MSRA: variants seen among roughly 807,000 people sequenced by gnomAD.
MSRA encodes mitochondrial peptide methionine sulfoxide reductase.
A neutral mutation model predicts 31.3 loss-of-function variants in MSRA; 54 were observed. The observed-to-expected ratio is 1.73, with a 90% CI of 1.39 to 2.17. The LOEUF is 2.17. MSRA is among the 30% of genes most tolerant of loss of function. MSRA has a pLI of 0.00. For synonymous variants in MSRA, 169 were observed against 116.5 expected (o/e 1.45, Z -2.90); for missense variants, 507 against 300.9 (o/e 1.69, Z -5.07).
intron 4 of MSRA, among the ~76,000 whole-genome samples, chr8:10,312,070 C>T (rs548783603): frequency 6.6e-6 from 1 of 152,230 alleles, no homozygotes; most frequent in East Asian, 1.9e-4. Context: ...GCCTTAAATT[C>T]ATATATTAGA....
chr8:10,294,120 G>C (rs1800399423), intron 3 of MSRA, among the ~76,000 whole-genome samples: 1 of 152,164 alleles, frequency 6.6e-6, no homozygotes, highest in African/African-American at 2.4e-5. Flanking sequence ...AGAATTGCTT[G>C]AACCTGGGAG....
At chr8:10,370,771 G>A (rs916198066) in intron 5 of MSRA, among the ~76,000 whole-genome samples, 1 of 152,232 alleles carries the variant, frequency 6.6e-6, no homozygotes, top group African/African-American at 2.4e-5. Flanking sequence ...ATGCCCCATG[G>A]CATTCACTGA....
At chr8:10,086,847 A>G (rs1320630446) in intron 1 of MSRA, among the ~76,000 whole-genome samples, 1 of 150,356 alleles carries the variant, frequency 6.7e-6, no homozygotes, top group African/African-American at 2.4e-5. Flanking sequence ...GAGGTGGGCC[A>G]GGCAGAGGAG....
At chr8:10,186,447 A>T (rs866221927) in intron 1 of MSRA, among the ~76,000 whole-genome samples, 18 of 152,274 alleles carry the variant, frequency 1.2e-4, no homozygotes, top group Middle Eastern at 3.4e-3. Context: ...TAGAATTTGC[A>T]TGTGTCATGA....
chr8:10,415,999 G>C (rs1442379894), intron 5 of MSRA, among the ~76,000 whole-genome samples: 2 of 152,054 alleles, frequency 1.3e-5, no homozygotes, highest in African/African-American at 4.8e-5. Flanking sequence ...CTCCTCCAAG[G>C]GAATTCTGAC....
At chr8:10,200,581 C>G (rs1808407222) in intron 1 of MSRA, among the ~76,000 whole-genome samples, 1 of 152,150 alleles carries the variant, frequency 6.6e-6, no homozygotes. Flanking sequence ...ACTGGGAATT[C>G]CTGGGACACA....
intron 1 of MSRA, among the ~76,000 whole-genome samples, chr8:10,202,299 G>C (rs563198004): frequency 7.9e-5 from 12 of 152,224 alleles, no homozygotes; most frequent in Non-Finnish European, 1.0e-4. Context: ...TCTAGGAATA[G>C]AGCTGGGGTC....
intron 5 of MSRA, among the ~76,000 whole-genome samples, chr8:10,417,684 G>C (rs2129192812): frequency 6.6e-6 from 1 of 151,128 alleles, no homozygotes; most frequent in Non-Finnish European, 1.5e-5. Flanking sequence ...ACATCTATTT[G>C]GTCAACCTGT....
chr8:10,092,597 G>A (rs1798912030), intron 1 of MSRA, among the ~76,000 whole-genome samples: 1 of 151,958 alleles, frequency 6.6e-6, no homozygotes, highest in Non-Finnish European at 1.5e-5. Context: ...AGTGGAGGTT[G>A]CAGTGAGGTG....
intron 3 of MSRA, among the ~76,000 whole-genome samples, chr8:10,284,167 C>A (rs1799807981): frequency 6.6e-6 from 1 of 151,972 alleles, no homozygotes; most frequent in Admixed American, 6.6e-5. Context: ...GGAAAACTGA[C>A]TGAAGAGAGA....
rs1808073752 is a variant in MSRA, at chr8:10,410,239, C to G, written c.544-17909C>G. ...GACGCTTGGCCAGGAGCCACCAACA[C>G]TCTCGTATGGAAAGTCTGCCAACAG... On this transcript the variant is annotated intron_variant, in intron 5 of 5. Coordinates refer to ENST00000317173, the MANE Select transcript of MSRA (RefSeq NM_012331.5). Among the ~76,000 whole-genome samples the G allele has an allele frequency of 2.6e-5, 4 of 152,136 alleles. No homozygotes were observed. The South Asian group carries it at 8.3e-4, about 32-fold the overall frequency.
intron 2 of MSRA, among the ~76,000 whole-genome samples, chr8:10,215,316 C>T (rs1333199022): frequency 6.6e-6 from 1 of 152,150 alleles, no homozygotes; most frequent in Non-Finnish European, 1.5e-5. Context: ...TTTCTTCCGC[C>T]TTCTTAAGCC....
At chr8:10,250,618 T>G (rs918754151) in intron 3 of MSRA, 1 of 621,260 alleles carries the variant, frequency 1.6e-6, no homozygotes, top group Non-Finnish European at 2.9e-6. Flanking sequence ...TCAAGCAGGC[T>G]GTTCAGCAGA....
At chr8:10,207,939 GC>G (rs1471280469) in intron 2 of MSRA, 38 bp downstream of exon 2, 1 of 1,545,348 alleles carries the variant, frequency 6.5e-7, no homozygotes, top group Admixed American at 1.8e-5. Context: ...CAAATTGTGT[GC>G]AAAGACTAGT....
In MSRA at chr8:10,054,658, G is replaced by A; in HGVS notation, c.142G>A (p.Ala48Thr). 1.3e-6 allele frequency: 2 copies of A among 1,548,170 alleles called. No homozygotes were observed. The highest frequency in any genetic ancestry group is 1.7e-6 in the Non-Finnish European group (2 of 1,147,264). The change falls in exon 1 of 6, where the codon GCC (alanine) becomes ACC (threonine). Residue 48 changes from alanine (A) to threonine (T), a missense_variant and splice_region_variant. Transcript: ENST00000317173. The stretch of plus-strand genomic sequence containing the variant: ...CCGGAAGGAACAGACCCCTGTAGCG[G>A]GTAAGCACTGGCCACACGGAAGGCG... ...PGRKEQTPVAAKHHVNGNRTV... is the reference protein window; with the variant it reads ...PGRKEQTPVATKHHVNGNRTV...
intron 5 of MSRA, among the ~76,000 whole-genome samples, chr8:10,324,045 C>T (rs748419126): frequency 1.3e-5 from 2 of 152,166 alleles, no homozygotes; most frequent in Admixed American, 1.3e-4. Context: ...AGCTAATTGA[C>T]TGAAACCCAG....
At chr8:10,419,028 C>T (rs866414420) in intron 5 of MSRA, among the ~76,000 whole-genome samples, 12 of 152,018 alleles carry the variant, frequency 7.9e-5, no homozygotes, top group South Asian at 2.1e-4. Flanking sequence ...TACATACATA[C>T]GGCATCCTTG....
chr8:10,171,838 A>T (rs1017038414), intron 1 of MSRA, among the ~76,000 whole-genome samples: 2 of 152,238 alleles, frequency 1.3e-5, no homozygotes, highest in African/African-American at 2.4e-5. Context: ...TTGAAATCAG[A>T]AAGTATTATT....
chr8:10,083,239 G>T (rs894580819), intron 1 of MSRA, among the ~76,000 whole-genome samples: 4 of 152,192 alleles, frequency 2.6e-5, no homozygotes, highest in Non-Finnish European at 4.4e-5. Flanking sequence ...TGACAATCTA[G>T]TTTTAACAAG....
Sources: gnomAD v4.1 joint callset for allele counts (sites outside exome capture counted in the v4.1 genomes callset) on GRCh38, gnomAD v4.1.1 for gene constraint, MANE v1.5 for transcripts, NCBI Gene and HGNC (gene_info 2026-07-23, HGNC 2026-07-21) for gene names.